WDR25: variants seen among roughly 807,000 people sequenced by gnomAD.
The protein encoded by WDR25 is WD repeat domain 25.
In WDR25, 35 loss-of-function variants were observed where a neutral mutation model predicts 47.7. The observed-to-expected ratio is 0.73, with a 90% confidence interval of 0.56 to 0.97. WDR25 has a LOEUF of 0.97. WDR25 is among the 50% of genes least tolerant of loss of function. The pLI, the probability that WDR25 is intolerant of heterozygous loss-of-function variation, is 0.00. For synonymous variants in WDR25, 248 were observed against 278.9 expected (o/e 0.89, Z 1.10); for missense variants, 634 against 704.7 (o/e 0.90, Z 1.14).
In WDR25 at chr14:100,443,578, G is replaced by C. The variant is rs1438455524; in HGVS notation, c.823-24443G>C. On this transcript the variant is annotated intron_variant, in intron 2 of 6. Transcript: ENST00000402312. ...ATTTTGGGGGATAAATATCATTGCT[G>C]CAGCCTCATGTCTCCTCTCTCTCCT... Among the ~76,000 whole-genome samples, 4 of 152,288 alleles carry C rather than the reference G, an allele frequency of 2.6e-5. No homozygotes were observed. The East Asian group carries it at 7.7e-4, about 29-fold the overall frequency.
chr14:100,379,887 G>A (rs1482452156), intron 1 of WDR25, among the ~76,000 whole-genome samples: 1 of 151,650 alleles, frequency 6.6e-6, no homozygotes, highest in Non-Finnish European at 1.5e-5. Context: ...GACTACAGGT[G>A]CGTGCCACCA....
At position 100,449,069 on chromosome 14, in the gene WDR25, C is replaced by T. The variant is rs1470463846; in HGVS notation, c.823-18952C>T. 6.6e-6 allele frequency among the ~76,000 whole-genome samples: 1 copy of T among 152,096 alleles called. No homozygotes were observed. The highest frequency in any genetic ancestry group is 1.5e-5 in the Non-Finnish European group (1 of 68,020). On this transcript the variant is annotated intron_variant, in intron 2 of 6. Transcript: ENST00000402312. This position sits in a 1 kb window ranked among gnomAD's most constrained non-coding sequence, Gnocchi z 4.2. ...GGCAGGTGAGTGGGGCCTCCGGAGTCAGCCACTGACTTTCCCACTGTAGCT... is the reference window on the plus strand; with the variant it reads ...GGCAGGTGAGTGGGGCCTCCGGAGTTAGCCACTGACTTTCCCACTGTAGCT...
intron 3 of WDR25, among the ~76,000 whole-genome samples, chr14:100,480,073 T>C (rs1199943369): frequency 6.6e-6 from 1 of 152,202 alleles, no homozygotes; most frequent in Non-Finnish European, 1.5e-5. Flanking sequence ...CATTTTATAC[T>C]CTTGTAGTTG....
rs1896675490 is a variant in WDR25 at position 100,376,487 on chromosome 14, G to A, written c.-24G>A. ...GCCGGTCTGCCTCCGGGAGAACCGA[G>A]CGCTTCCGGTGCGTGTGGTGAGCGG... is the stretch of plus-strand genomic sequence containing the variant. On this transcript the variant is annotated 5_prime_UTR_variant, in exon 1 of 7. Transcript: ENST00000402312. 1 of 1,231,552 alleles carries A rather than the reference G, an allele frequency of 8.1e-7. No homozygotes were observed. The highest frequency in any genetic ancestry group is 1.6e-5 in the African/African-American group (1 of 64,424). 76.3% of individuals were successfully genotyped at this position (1,231,552 alleles called of 1,614,324 possible).
At chr14:100,389,426 C>G (rs1038883874) in intron 2 of WDR25, among the ~76,000 whole-genome samples, 2 of 152,224 alleles carry the variant, frequency 1.3e-5, no homozygotes, top group African/African-American at 2.4e-5. Context: ...TTTAAGGTTT[C>G]CTTCTAGCTT....
At chr14:100,511,069 A>C (rs1039830196) in intron 4 of WDR25, among the ~76,000 whole-genome samples, 18 of 152,188 alleles carry the variant, frequency 1.2e-4, no homozygotes, top group Non-Finnish European at 2.6e-4. Context: ...GCAAAAAAAA[A>C]CTGGCTTGAA....
intron 2 of WDR25, among the ~76,000 whole-genome samples, chr14:100,443,856 C>T (rs551287479): frequency 8.5e-5 from 13 of 152,174 alleles, no homozygotes; most frequent in Non-Finnish European, 1.5e-4. Context: ...TAATTGCTGT[C>T]GTTTAGTGCC....
At chr14:100,463,911 C>T (rs1899513715) in intron 2 of WDR25, among the ~76,000 whole-genome samples, 2 of 152,162 alleles carry the variant, frequency 1.3e-5, no homozygotes, top group Non-Finnish European at 2.9e-5. Context: ...TACTGCCTCC[C>T]ACTGTTCCAA....
chr14:100,436,932 G>A (rs954055090), intron 2 of WDR25, among the ~76,000 whole-genome samples: 2 of 152,240 alleles, frequency 1.3e-5, no homozygotes, highest in Non-Finnish European at 2.9e-5. Context: ...CATATGCTGA[G>A]CCATCTGTTC....
In WDR25 at chr14:100,450,201, G is replaced by A. The variant is rs188602700; in HGVS notation, c.823-17820G>A. Among the ~76,000 whole-genome samples, 381 of 152,274 alleles carry A rather than the reference G, an allele frequency of 2.5e-3. 3 individuals carry two copies. The highest frequency in any genetic ancestry group is 2.9e-3 in the Non-Finnish European group (199 of 68,016). ...GTCTGCTGAGCCCTGGGTGACCTGC[G>A]TTTTGCCCACTCTTGTTGCTCTCCT... On this transcript the variant is annotated intron_variant, in intron 2 of 6. Coordinates refer to ENST00000402312, the MANE Select transcript of WDR25 (RefSeq NM_001161476.3).
chr14:100,382,126 G>A, intron 2 of WDR25: 2 of 703,000 alleles, frequency 2.8e-6, no homozygotes. Context: ...CTGGTGCTGT[G>A]CTGGTTTCAA....
At chr14:100,420,793 G>A (rs1378496485) in intron 2 of WDR25, among the ~76,000 whole-genome samples, 2 of 152,174 alleles carry the variant, frequency 1.3e-5, no homozygotes, top group Non-Finnish European at 2.9e-5. Flanking sequence ...TTCAACAGGT[G>A]GAGAGAGACT....
intron 2 of WDR25, among the ~76,000 whole-genome samples, chr14:100,399,476 C>T (rs939584237): frequency 6.6e-6 from 1 of 152,048 alleles, no homozygotes; most frequent in African/African-American, 2.4e-5. Context: ...TGGCCTTGCA[C>T]CTGGTCCTGT....
chr14:100,464,910 G>T (rs897170020), intron 2 of WDR25, among the ~76,000 whole-genome samples: 2 of 119,298 alleles, frequency 1.7e-5, no homozygotes, highest in Non-Finnish European at 3.3e-5. Context: ...TCCTCTACCC[G>T]ATCTGCTCTC....
chr14:100,378,511 T>C (rs1328246990), intron 1 of WDR25, among the ~76,000 whole-genome samples: 1 of 152,174 alleles, frequency 6.6e-6, no homozygotes, highest in Non-Finnish European at 1.5e-5. Context: ...GCAGTGTGAA[T>C]CTGTGTGTTG....
intron 3 of WDR25, chr14:100,481,103 C>CAAAAAAAAAAAAAAAAAAAAA (rs71113268): frequency 1.2e-5 from 3 of 248,192 alleles, no homozygotes; most frequent in South Asian, 2.8e-5. Context: ...CAAAAAAGTG[C>CAAAAAAAAAAAAAAAAAAAAA]AAAAAAAAAA....
At chr14:100,408,613 G>A (rs1897615067) in intron 2 of WDR25, among the ~76,000 whole-genome samples, 2 of 152,160 alleles carry the variant, frequency 1.3e-5, no homozygotes, top group Admixed American at 1.3e-4. Flanking sequence ...GCAGGCATAG[G>A]ACTCAGTGAC....
rs191182107 is a variant in WDR25 at position 100,522,951 on chromosome 14, T to G, written c.1102-2919T>G. On this transcript the variant is annotated intron_variant, in intron 4 of 6. Transcript: ENST00000402312. ...GGTCTTGGAGCAGCTTTCCTTTGTC[T>G]CCACGTCTGAGGCACAGGGCAGGGG... Among the ~76,000 whole-genome samples, 199 of 152,190 alleles carry G rather than the reference T, an allele frequency of 1.3e-3. 2 individuals carry two copies. The highest frequency in any genetic ancestry group is 2.1e-3 in the Non-Finnish European group (143 of 67,998).
At chr14:100,421,864 T>TATCC (rs1898036732) in intron 2 of WDR25, among the ~76,000 whole-genome samples, 1 of 152,240 alleles carries the variant, frequency 6.6e-6, no homozygotes, top group African/African-American at 2.4e-5. Context: ...GTTATCTCTC[T>TATCC]ATCCATCCAT....
Sources: allele counts gnomAD v4.1 joint callset (sites outside exome capture counted in the v4.1 genomes callset), GRCh38; gene constraint gnomAD v4.1.1; non-coding constraint Gnocchi (gnomAD v3.1); transcripts MANE v1.5; gene names NCBI Gene and HGNC (gene_info 2026-07-23, HGNC 2026-07-21).